Variants in NIBAN3 observed in about 807,000 individuals in gnomAD.
NIBAN3 encodes niban apoptosis regulator 3.
A neutral mutation model predicts 76.4 loss-of-function variants in NIBAN3; 66 were observed. The observed-to-expected ratio is 0.86, with a 90% confidence interval of 0.71 to 1.06. NIBAN3 has a LOEUF of 1.06. NIBAN3 is among the 50% of genes least tolerant of loss of function. NIBAN3 has a pLI of 0.00. For synonymous variants in NIBAN3, 360 were observed against 355.2 expected, an observed-to-expected ratio of 1.01 and a Z score of -0.15; for missense variants, 808 against 810.7, an observed-to-expected ratio of 1.00 and a Z score of 0.04.
At chr19:17,541,230 TATACATACATACATAC>T (rs56986888) in intron 9 of NIBAN3, among the ~76,000 whole-genome samples, 2,804 of 150,078 alleles carry the variant, frequency 0.019, 76 homozygotes, top group African/African-American at 0.059. Context: ...TACATACATA[TATACATACATACATAC>T]ATACATACAT....
intron 13 of NIBAN3, among the ~76,000 whole-genome samples, chr19:17,549,162 A>G (rs1599760464): frequency 6.6e-6 from 1 of 152,148 alleles, no homozygotes. Context: ...TTCTCTTCCT[A>G]AAGATTTTAT....
At chr19:17,551,278 A>C (rs1271255291) in intron 14 of NIBAN3, among the ~76,000 whole-genome samples, 1 of 149,876 alleles carries the variant, frequency 6.7e-6, no homozygotes, top group Non-Finnish European at 1.5e-5. Flanking sequence ...TATTTTTAGT[A>C]GACATGGGGT....
rs114011143 is a variant in NIBAN3, at chr19:17,533,793, G to A, written c.427+92G>A. 937 of 926,530 alleles carry A rather than the reference G, an allele frequency of 1.0e-3. 7 individuals carry two copies. In the African/African-American group the frequency reaches 0.011, roughly 11 times the overall value. The allele number at this position is 926,530 out of a possible 1,614,324, so 57.4% of individuals were successfully genotyped here. A position where few individuals can be genotyped will look rare whatever the true frequency, so the allele number is the denominator to read the frequency against. On this transcript the variant is annotated intron_variant, in intron 4 of 14. Coordinates refer to ENST00000599164, the MANE Select transcript of NIBAN3 (RefSeq NM_001321827.2). ...TCATTCTCTGCGGTGGGGGCGTCCCGTGTACAGCAGGGCAGTAAGCAGCAT... is the reference window on the plus strand; with the variant it reads ...TCATTCTCTGCGGTGGGGGCGTCCCATGTACAGCAGGGCAGTAAGCAGCAT...
At chr19:17,553,711 A>G (rs994058171), downstream of NIBAN3, 75 of 732,620 alleles carry the variant, frequency 1.0e-4, no homozygotes, top group Non-Finnish European at 2.3e-5. Flanking sequence ...AATTGCAGCT[A>G]CAAGAATTTG....
intron 12 of NIBAN3, chr19:17,546,466 C>A: frequency 2.3e-6 from 2 of 878,638 alleles, no homozygotes; most frequent in Non-Finnish European, 2.8e-6. Context: ...CCGCCCACCT[C>A]AGCCAACCAA....
chr19:17,532,701 C>T (rs894897524), intron 3 of NIBAN3, among the ~76,000 whole-genome samples: 2 of 152,124 alleles, frequency 1.3e-5, no homozygotes, highest in Admixed American at 6.6e-5. Flanking sequence ...GAGCTTGGAG[C>T]GATCACTACC....
chr19:17,525,219 C>T (rs2075592330), upstream of NIBAN3, among the ~76,000 whole-genome samples: 2 of 152,178 alleles, frequency 1.3e-5, no homozygotes. Flanking sequence ...CCAGCCAACG[C>T]TGGATCCAGA....
In NIBAN3 at chr19:17,548,939, T is replaced by G. The variant is rs564143655; in HGVS notation, c.1667-505T>G. Among the ~76,000 whole-genome samples, 845 of 150,788 alleles carry G rather than the reference T, an allele frequency of 5.6e-3. 7 individuals are homozygous for G. The highest frequency in any genetic ancestry group is 0.018 in the African/African-American group (749 of 41,096). The stretch of plus-strand genomic sequence containing the variant: ...AGACTCCATCTCAAAAAAAAGTTGT[T>G]TTTTTTTTTTTAAATAAGGTGAGGT... On this transcript the variant is annotated intron_variant, in intron 13 of 14. Transcript: ENST00000599164.
chr19:17,532,249 C>T lies in NIBAN3; in HGVS notation c.187-14C>T, dbSNP rs2075740709. 1 of 1,600,408 alleles carries T rather than the reference C, an allele frequency of 6.2e-7. No individual in the cohort carries two copies. Among genetic ancestry groups the T allele is most frequent in the African/African-American group, 1.3e-5 (1 of 74,902 alleles). On this transcript the variant is annotated splice_polypyrimidine_tract_variant and intron_variant, in intron 2 of 14. Coordinates refer to ENST00000599164, the MANE Select transcript of NIBAN3 (RefSeq NM_001321827.2). ...CCACAGCCCCCTGACACCCACTGCT[C>T]CCTCTTTCTGCAGAAGCTGCCCCGA...
rs770345191 is a variant in NIBAN3, at chr19:17,542,129, A to T, written c.1171-7A>T. ...TTTTTCCCCCAAAACTGCTTCCGGG[A>T]GCACAGGTTTACTCATTTGGGGAGA... On this transcript the variant is annotated splice_region_variant and splice_polypyrimidine_tract_variant and intron_variant, in intron 9 of 14. Transcript: ENST00000599164. This position sits in a 1 kb window ranked among gnomAD's most constrained non-coding sequence, Gnocchi z 4.8. The T allele has an allele frequency of 6.8e-6, 11 of 1,614,078 alleles. No individual in the cohort carries two copies. The highest frequency in any genetic ancestry group is 9.3e-6 in the Non-Finnish European group (11 of 1,180,006).
intron 3 of NIBAN3, 181 bp from the exon 4 acceptor site, chr19:17,533,406 T>C: frequency 2.1e-6 from 1 of 480,040 alleles, no homozygotes; most frequent in Non-Finnish European, 3.5e-6. Flanking sequence ...TGAGACTCTG[T>C]CTCAAAAACA....
chr19:17,540,289 G>T, intron 8 of NIBAN3, 103 bp from the exon 9 acceptor site: 2 of 770,742 alleles, frequency 2.6e-6, no homozygotes. Flanking sequence ...AGAAGAGGGC[G>T]CTCAGCGTCC....
chr19:17,523,753 C>G (rs2075579454), upstream of NIBAN3, among the ~76,000 whole-genome samples: 1 of 152,328 alleles, frequency 6.6e-6, no homozygotes, highest in South Asian at 2.1e-4. Flanking sequence ...CAGCCCCTCA[C>G]TCAGTCTCCC....
upstream of NIBAN3, chr19:17,523,393 CG>C: frequency 6.5e-7 from 1 of 1,529,458 alleles, no homozygotes; most frequent in Non-Finnish European, 8.8e-7. Context: ...TTTGCTTCAA[CG>C]TCTTGTCCCG....
At chr19:17,549,167 T>C (rs548414484) in intron 13 of NIBAN3, among the ~76,000 whole-genome samples, 11 of 152,300 alleles carry the variant, frequency 7.2e-5, no homozygotes, top group African/African-American at 2.6e-4. Flanking sequence ...TTCCTAAAGA[T>C]TTTATGTATC....
intron 5 of NIBAN3, 33 bp downstream of exon 5, chr19:17,537,576 G>T: frequency 6.5e-7 from 1 of 1,535,400 alleles, no homozygotes; most frequent in Non-Finnish European, 8.7e-7. Context: ...CATTTGTGGG[G>T]CTAATGGTCT....
At chr19:17,550,843 C>CTTTTTTTTTTT (rs10690901) in intron 14 of NIBAN3, among the ~76,000 whole-genome samples, 2 of 91,560 alleles carry the variant, frequency 2.2e-5, no homozygotes, top group South Asian at 4.5e-4. Context: ...CTTGTACATA[C>CTTTTTTTTTTT]TTTTTTTTTT....
chr19:17,550,445 T>A (rs114495408), intron 14 of NIBAN3, among the ~76,000 whole-genome samples: 7,485 of 152,194 alleles, frequency 0.049, 189 homozygotes, highest in South Asian at 0.083. Flanking sequence ...GATAGGTGGA[T>A]TGCTTGAGCC....
upstream of NIBAN3, among the ~76,000 whole-genome samples, chr19:17,524,466 G>T (rs974413587): frequency 2.0e-5 from 3 of 148,992 alleles, no homozygotes; most frequent in Non-Finnish European, 3.0e-5. Context: ...TGTATTTTTA[G>T]TAGAGACAGG....
Sources: allele counts gnomAD v4.1 joint callset (sites outside exome capture counted in the v4.1 genomes callset), GRCh38; gene constraint gnomAD v4.1.1; non-coding constraint Gnocchi (gnomAD v3.1); transcripts MANE v1.5; gene names NCBI Gene and HGNC (gene_info 2026-07-23, HGNC 2026-07-21).